IL23R: variants seen among roughly 807,000 people sequenced by gnomAD.
The protein encoded by IL23R is interleukin-23 receptor.
In IL23R, 34 loss-of-function variants were observed where a neutral mutation model predicts 56.9. That is an observed-to-expected ratio of 0.60 (90% CI 0.45 to 0.80). The LOEUF (loss-of-function observed/expected upper bound fraction) is 0.80, where lower values mean the gene tolerates loss of function less well. Among genes scored for constraint, IL23R ranks in the 30% least tolerant of loss-of-function variants. The pLI, the probability that IL23R is intolerant of heterozygous loss-of-function variation, is 0.00. For synonymous variants in IL23R, 230 were observed against 249.2 expected, an observed-to-expected ratio of 0.92 and a Z score of 0.73; for missense variants, 635 against 730.0, an observed-to-expected ratio of 0.87 and a Z score of 1.50.
chr1:67,151,737 G>A (rs1646730088), intron 1 of IL23R, among the ~76,000 whole-genome samples: 1 of 152,190 alleles, frequency 6.6e-6, no homozygotes, highest in East Asian at 1.9e-4. Flanking sequence ...TTTTTGTCAC[G>A]TTTGTCGAAG....
At chr1:67,215,505 C>T (rs1166400193) in intron 6 of IL23R, among the ~76,000 whole-genome samples, 1 of 152,202 alleles carries the variant, frequency 6.6e-6, no homozygotes, top group Non-Finnish European at 1.5e-5. Context: ...TCTTTCAATC[C>T]TCTGCTTATA....
chr1:67,175,263 T>G (rs1646993055), intron 3 of IL23R, among the ~76,000 whole-genome samples: 1 of 151,774 alleles, frequency 6.6e-6, no homozygotes, highest in African/African-American at 2.4e-5. Flanking sequence ...ATGAGTTGAG[T>G]GGAGTGACAG....
At chr1:67,230,065 G>A (rs149386096) in intron 7 of IL23R, among the ~76,000 whole-genome samples, 30 of 152,344 alleles carry the variant, frequency 2.0e-4, no homozygotes, top group Admixed American at 3.3e-4. Flanking sequence ...AAAGTCTGGC[G>A]AGGACCCTGC....
intron 3 of IL23R, among the ~76,000 whole-genome samples, chr1:67,177,778 C>A (rs1316290825): frequency 6.6e-6 from 1 of 151,140 alleles, no homozygotes. Context: ...TTGAATCCAT[C>A]TTGAGTTAAT....
chr1:67,225,169 G>A (rs1037292883), intron 7 of IL23R, among the ~76,000 whole-genome samples: 1 of 152,192 alleles, frequency 6.6e-6, no homozygotes, highest in Non-Finnish European at 1.5e-5. Flanking sequence ...TATGCCAACA[G>A]AGCTTCATTT....
At chr1:67,151,647 C>T (rs936260432) in intron 1 of IL23R, among the ~76,000 whole-genome samples, 1 of 152,022 alleles carries the variant, frequency 6.6e-6, no homozygotes, top group African/African-American at 2.4e-5. Context: ...AGGAAAGGGT[C>T]CAGTTTCAAT....
intron 5 of IL23R, among the ~76,000 whole-genome samples, chr1:67,204,783 T>C (rs1181433876): frequency 1.3e-5 from 2 of 150,866 alleles, no homozygotes; most frequent in Non-Finnish European, 3.0e-5. Flanking sequence ...TTTTTTTTTT[T>C]CCAGGGTTGG....
intron 1 of IL23R, among the ~76,000 whole-genome samples, chr1:67,147,855 C>A (rs1378129891): frequency 6.6e-6 from 1 of 152,076 alleles, no homozygotes; most frequent in Admixed American, 6.5e-5. Context: ...TTTGTTTACC[C>A]GACATCCCTT....
chr1:67,254,754 G>C (rs1011863968), intron 9 of IL23R, among the ~76,000 whole-genome samples: 2 of 152,206 alleles, frequency 1.3e-5, no homozygotes, highest in Non-Finnish European at 2.9e-5. Context: ...TCTGAGATCA[G>C]TTTAGTCTCT....
At chr1:67,252,206 G>A (rs569284506) in intron 9 of IL23R, among the ~76,000 whole-genome samples, 7 of 152,240 alleles carry the variant, frequency 4.6e-5, no homozygotes, top group Middle Eastern at 3.4e-3. Flanking sequence ...TTTGCTTTCA[G>A]GTTCCCTTGA....
At chr1:67,218,356 G>GTATATATA (rs1272667281) in intron 6 of IL23R, among the ~76,000 whole-genome samples, 47 of 137,392 alleles carry the variant, frequency 3.4e-4, no homozygotes, top group South Asian at 2.4e-3. Flanking sequence ...GTGTGTGTGT[G>GTATATATA]TGTATATATA....
intron 1 of IL23R, among the ~76,000 whole-genome samples, chr1:67,166,784 G>C (rs1646878253): frequency 1.3e-5 from 2 of 152,236 alleles, no homozygotes; most frequent in East Asian, 3.9e-4. Context: ...ATGAAGAGAA[G>C]AATTACTATT....
intron 3 of IL23R, among the ~76,000 whole-genome samples, chr1:67,182,044 TG>T (rs1479794949): frequency 6.6e-6 from 1 of 152,188 alleles, no homozygotes; most frequent in Non-Finnish European, 1.5e-5. Context: ...CTGCCCCTAC[TG>T]GGGGGTGCCT....
chr1:67,162,590 T>C (rs1646832506), upstream of IL23R, among the ~76,000 whole-genome samples: 1 of 152,238 alleles, frequency 6.6e-6, no homozygotes, highest in East Asian at 1.9e-4. Flanking sequence ...TGGCTAAAAT[T>C]CTGAGTATCC....
chr1:67,152,536 CA>C (rs930085440), intron 1 of IL23R, among the ~76,000 whole-genome samples: 2 of 152,100 alleles, frequency 1.3e-5, no homozygotes, highest in African/African-American at 4.8e-5. Flanking sequence ...TGCCAGTTTC[CA>C]AGGGAATGAT....
At chr1:67,156,922 C>T (rs1646774410) in intron 1 of IL23R, among the ~76,000 whole-genome samples, 1 of 152,174 alleles carries the variant, frequency 6.6e-6, no homozygotes, top group South Asian at 2.1e-4. Flanking sequence ...GCCTGAAACC[C>T]AGGGCCCTGA....
At chr1:67,152,685 T>G (rs1225527199) in intron 1 of IL23R, among the ~76,000 whole-genome samples, 4 of 152,236 alleles carry the variant, frequency 2.6e-5, no homozygotes, top group Non-Finnish European at 5.9e-5. Context: ...CAAAGGCCTT[T>G]TCTGCGTCTA....
chr1:67,219,922 A>G (rs1650131813), intron 7 of IL23R, among the ~76,000 whole-genome samples, 192 bp downstream of exon 7: 1 of 152,038 alleles, frequency 6.6e-6, no homozygotes, highest in Non-Finnish European at 1.5e-5. Flanking sequence ...AATAATTATT[A>G]TTAGCCTGGG....
Position 67,236,741 on chromosome 1 carries a change from A to C in IL23R, c.984A>C (p.Gln328His). ...TVPQVTSKAFQHDTWNSGLTV... is the reference protein window; with the variant it reads ...TVPQVTSKAFHHDTWNSGLTV... Reference sequence around the variant, plus strand: ...CCCAGGTCACATCAAAAGCATTCCAACATGACACATGGAATTCTGGGCTAA... The same window carrying C: ...CCCAGGTCACATCAAAAGCATTCCACCATGACACATGGAATTCTGGGCTAA... Residue 328 changes from glutamine to histidine, a missense_variant, in exon 8 of 11, where the codon CAA becomes CAC. By Grantham distance (24) the Gln-to-His change is conservative (BLOSUM62 0). Coordinates refer to ENST00000347310, the MANE Select transcript of IL23R (RefSeq NM_144701.3). 6.2e-7 allele frequency: 1 copy of C among 1,613,570 alleles called. No homozygotes were observed. The highest frequency in any genetic ancestry group is 1.1e-5 in the South Asian group (1 of 91,064).
Sources: allele counts gnomAD v4.1 joint callset (sites outside exome capture counted in the v4.1 genomes callset), GRCh38; gene constraint gnomAD v4.1.1; transcripts MANE v1.5; gene names NCBI Gene and HGNC (gene_info 2026-07-23, HGNC 2026-07-21).